The following CADPS2 variants were observed in gnomAD, a reference collection of about 807,000 sequenced individuals.
The protein encoded by CADPS2 is calcium-dependent secretion activator 2.
CADPS2 carries 93 observed loss-of-function variants against 172.5 expected under a neutral mutation model. That is an observed-to-expected ratio of 0.54 (90% confidence interval 0.46 to 0.64). The LOEUF is 0.64. CADPS2 is among the 30% of genes least tolerant of loss of function. CADPS2 has a pLI of 0.00. For synonymous variants in CADPS2, 546 were observed against 555.2 expected (o/e 0.98, Z 0.23); for missense variants, 1,420 against 1,565.9 (o/e 0.91, Z 1.57).
rs188488444 is a variant in CADPS2, at chr7:122,627,154, A to G, written c.867+2094T>C. 6.6e-5 allele frequency among the ~76,000 whole-genome samples: 10 copies of G among 152,296 alleles called. No individual in the cohort carries two copies. In the East Asian group the frequency reaches 1.7e-3, roughly 27 times the overall value. ...GATTTGAGGCCTGCCTCAGCCACTT[A>G]TTTGTTATGTAATCATGGTGAAATA... On this transcript the variant is annotated intron_variant, in intron 4 of 29. Coordinates refer to ENST00000449022, the MANE Select transcript of CADPS2 (RefSeq NM_017954.11).
rs564127888 is a variant in CADPS2 at position 122,747,508 on chromosome 7, G to T, written c.340-10440C>A. Among the ~76,000 whole-genome samples the T allele has an allele frequency of 2.0e-4, 30 of 152,196 alleles. No individual in the cohort carries two copies. The South Asian group carries it at 5.8e-3, about 29-fold the overall frequency. On this transcript the variant is annotated intron_variant, in intron 1 of 29. Coordinates refer to ENST00000449022, the MANE Select transcript of CADPS2 (RefSeq NM_017954.11). Reference sequence around the variant, plus strand: ...TAATATATGTCTAATGTAACAACTAGTCATAATAGCTAACATTTATTGACC... The same window carrying T: ...TAATATATGTCTAATGTAACAACTATTCATAATAGCTAACATTTATTGACC...
In CADPS2 at chr7:122,485,543, A is replaced by G. The variant is rs534903256; in HGVS notation, c.1852+4538T>C. Among the ~76,000 whole-genome samples the G allele has an allele frequency of 9.8e-5, 15 of 152,340 alleles. No individual in the cohort carries two copies. The East Asian group carries it at 2.9e-3, about 29-fold the overall frequency. On this transcript the variant is annotated intron_variant, in intron 11 of 29. Transcript: ENST00000449022. ...CTGAGAGAGGTGAAGAAGCCTCTGC[A>G]AACTGTGAAGCCAGCAGAGGTCAGC...
At chr7:122,571,445 T>C (rs2067242279) in intron 7 of CADPS2, among the ~76,000 whole-genome samples, 1 of 152,106 alleles carries the variant, frequency 6.6e-6, no homozygotes, top group African/African-American at 2.4e-5. Flanking sequence ...GAGGATGCTG[T>C]GCATAATATG....
intron 20 of CADPS2, among the ~76,000 whole-genome samples, chr7:122,394,596 G>A (rs919917426): frequency 1.3e-5 from 2 of 152,008 alleles, no homozygotes; most frequent in Admixed American, 1.3e-4. Context: ...TAAAGGGGAG[G>A]TTTCCAGGTA....
At chr7:122,483,735 T>C (rs2057530212) in intron 11 of CADPS2, among the ~76,000 whole-genome samples, 1 of 152,124 alleles carries the variant, frequency 6.6e-6, no homozygotes, top group Admixed American at 6.5e-5. Flanking sequence ...AATAGAAGTT[T>C]ACTATTGTAA....
chr7:122,427,085 A>G (rs2049258944), intron 17 of CADPS2: 2 of 152,002 alleles, frequency 1.3e-5, no homozygotes, highest in Admixed American at 6.6e-5. Context: ...ATAATTCCGA[A>G]TAAGGAACAA....
At chr7:122,464,811 T>C (rs1275045574) in intron 14 of CADPS2, among the ~76,000 whole-genome samples, 1 of 152,170 alleles carries the variant, frequency 6.6e-6, no homozygotes, top group Admixed American at 6.5e-5. Context: ...TGCAACTTGG[T>C]ACCCTGAATT....
intron 25 of CADPS2, among the ~76,000 whole-genome samples, chr7:122,372,008 T>C (rs2041830180): frequency 6.6e-6 from 1 of 152,212 alleles, no homozygotes; most frequent in East Asian, 1.9e-4. Context: ...CAATATCAAC[T>C]AATATTTAAC....
intron 14 of CADPS2, among the ~76,000 whole-genome samples, chr7:122,457,855 C>T (rs553129672): frequency 2.0e-5 from 3 of 152,250 alleles, no homozygotes; most frequent in Admixed American, 2.0e-4. Flanking sequence ...GTTTACAGTA[C>T]TTAGCAAGCT....
At chr7:122,322,986 T>G (rs1450771086) in intron 29 of CADPS2, among the ~76,000 whole-genome samples, 1 of 152,188 alleles carries the variant, frequency 6.6e-6, no homozygotes, top group East Asian at 1.9e-4. Flanking sequence ...AAGGAAAGTC[T>G]GGTTATGGGC....
At chr7:122,488,350 G>A (rs966767612) in intron 11 of CADPS2, among the ~76,000 whole-genome samples, 1 of 152,192 alleles carries the variant, frequency 6.6e-6, no homozygotes, top group African/African-American at 2.4e-5. Flanking sequence ...ACTTGAAGTA[G>A]GAAAGAAGCA....
intron 3 of CADPS2, among the ~76,000 whole-genome samples, chr7:122,639,916 C>G (rs1264520583): frequency 1.3e-5 from 2 of 152,092 alleles, no homozygotes; most frequent in African/African-American, 4.8e-5. Context: ...TCTGATCTTC[C>G]AAGTGTGTAT....
At chr7:122,424,399 C>A in intron 17 of CADPS2, 1 of 874,320 alleles carries the variant, frequency 1.1e-6, no homozygotes, top group Non-Finnish European at 1.4e-6. Context: ...GAATTGGCCA[C>A]TAGAGTATAG....
In CADPS2 at chr7:122,706,151, TATATATATGCTTATATATTCAAGGAATAC is replaced by T. The variant is rs1339554755; in HGVS notation, c.453+30775_453+30803del. Among the ~76,000 whole-genome samples the T allele has an allele frequency of 4.3e-3, 296 of 69,060 alleles. 24 individuals are homozygous for T. Among genetic ancestry groups the T allele is most frequent in the African/African-American group, 6.3e-3 (109 of 17,186 alleles). The allele number at this position is 69,060 out of a possible 152,430, so 45.3% of individuals were successfully genotyped here. On this transcript the variant is annotated intron_variant, in intron 2 of 29. Transcript: ENST00000449022. Reference sequence around the variant, plus strand: ...TATATATGCTTATATATTCAAGGAATATATATATGCTTATATATTCAAGGAATACATATATATGCTTATATATTCAAGGA... The same window carrying T: ...TATATATGCTTATATATTCAAGGAATATATATATGCTTATATATTCAAGGA...
At chr7:122,416,618 T>C (rs1275985138) in intron 17 of CADPS2, among the ~76,000 whole-genome samples, 2 of 152,186 alleles carry the variant, frequency 1.3e-5, no homozygotes, top group Admixed American at 1.3e-4. Flanking sequence ...ATAGTTCATG[T>C]TGATCTTAAA....
rs571584591 is a variant in CADPS2, at chr7:122,745,557, T to C, written c.340-8489A>G. The stretch of plus-strand genomic sequence containing the variant: ...CATTTATTTGCTTATTATTTAAGTC[T>C]TTCCATTAGAACAAAAGTGGCTTTA... On this transcript the variant is annotated intron_variant, in intron 1 of 29. Coordinates refer to ENST00000449022, the MANE Select transcript of CADPS2 (RefSeq NM_017954.11). Among the ~76,000 whole-genome samples the C allele has an allele frequency of 1.0e-3, 158 of 151,382 alleles. 5 individuals are homozygous for C. The South Asian group carries it at 0.032, about 31-fold the overall frequency.
At chr7:122,484,977 T>C (rs146006837) in intron 11 of CADPS2, among the ~76,000 whole-genome samples, 2,196 of 152,282 alleles carry the variant, frequency 0.014, 61 homozygotes, top group African/African-American at 0.05. Context: ...AGTAGATCTA[T>C]CACGGTCATC....
At position 122,320,351 on chromosome 7, in the gene CADPS2, G is replaced by A. The variant is rs1248504079; in HGVS notation, c.3718-13C>T. 2 of 1,583,046 alleles carry A rather than the reference G, an allele frequency of 1.3e-6. No individual in the cohort carries two copies. Among genetic ancestry groups the A allele is most frequent in the South Asian group, 1.2e-5 (1 of 86,208 alleles). On this transcript the variant is annotated splice_polypyrimidine_tract_variant and intron_variant, in intron 29 of 29. Transcript: ENST00000449022. ...CCCTGTAGGTTTTCTGAAGAAAGAA[G>A]ATAAAATTTGCTTAGCTCACTTAGA...
chr7:122,825,998 T>A (rs1804771180), intron 1 of CADPS2, among the ~76,000 whole-genome samples: 1 of 152,134 alleles, frequency 6.6e-6, no homozygotes, highest in Non-Finnish European at 1.5e-5. Flanking sequence ...GCACACTGGG[T>A]AACAAGATCC....
Sources: gnomAD v4.1 joint callset for allele counts (sites outside exome capture counted in the v4.1 genomes callset) on GRCh38, gnomAD v4.1.1 for gene constraint, MANE v1.5 for transcripts, NCBI Gene and HGNC (gene_info 2026-07-23, HGNC 2026-07-21) for gene names.